LGR4: variants seen among roughly 807,000 people sequenced by gnomAD.
LGR4 encodes leucine-rich repeat-containing G protein-coupled receptor 4.
A neutral mutation model predicts 84.8 loss-of-function variants in LGR4; 44 were observed. That is an observed-to-expected ratio of 0.52 (90% CI 0.41 to 0.67). LGR4 has a LOEUF of 0.67. Among genes scored for constraint, LGR4 ranks in the 30% least tolerant of loss-of-function variants. The pLI is 0.00. For synonymous variants in LGR4, 429 were observed against 434.3 expected (o/e 0.99, Z 0.15); for missense variants, 1,032 against 1,131.4 (o/e 0.91, Z 1.26).
intron 1 of LGR4, among the ~76,000 whole-genome samples, chr11:27,427,005 C>T (rs1395111059): frequency 6.6e-6 from 1 of 152,070 alleles, no homozygotes; most frequent in African/African-American, 2.4e-5. Flanking sequence ...CCTAATGTTA[C>T]AACAAAACAT....
chr11:27,374,762 C>G (rs1017411424), intron 13 of LGR4, among the ~76,000 whole-genome samples: 1 of 152,150 alleles, frequency 6.6e-6, no homozygotes, highest in African/African-American at 2.4e-5. Flanking sequence ...CTTAGTGTCA[C>G]TTATCAGTTT....
At chr11:27,411,413 G>A (rs781315151) in intron 2 of LGR4, among the ~76,000 whole-genome samples, 1 of 150,884 alleles carries the variant, frequency 6.6e-6, no homozygotes, top group Non-Finnish European at 1.5e-5. Context: ...CAACACAGGA[G>A]GCAAAAATAA....
chr11:27,392,311 T>C, intron 3 of LGR4, 136 bp downstream of exon 3: 2 of 631,208 alleles, frequency 3.2e-6, no homozygotes, highest in Non-Finnish European at 5.2e-6. Context: ...TGGCCTCTCA[T>C]ACTACTCACT....
In LGR4 at chr11:27,392,524, GAAAAA is replaced by G. The variant is rs753491752; in HGVS notation, c.258-11_258-7del. On this transcript the variant is annotated splice_region_variant and splice_polypyrimidine_tract_variant and intron_variant, in intron 2 of 17. Transcript: ENST00000379214. The stretch of plus-strand genomic sequence containing the variant: ...GGTCGTTGCCCGCCAATTGTCTAGA[GAAAAA>G]AAAAAAAAAAGTAGCAAGAAAAAAA... The G allele has an allele frequency of 3.6e-5, 45 of 1,247,598 alleles. No homozygotes were observed. In the South Asian group the frequency reaches 4.5e-4, roughly 12 times the overall value. 77.3% of individuals were successfully genotyped at this position (1,247,598 alleles called of 1,614,324 possible).
chr11:27,382,290 T>C (rs1297963246), intron 6 of LGR4, 34 bp from the exon 7 acceptor site: 2 of 1,352,184 alleles, frequency 1.5e-6, no homozygotes, highest in Non-Finnish European at 2.1e-6. Flanking sequence ...TATCAAAATA[T>C]TAAATAGTGG....
intron 1 of LGR4, among the ~76,000 whole-genome samples, chr11:27,432,935 T>C (rs1370348280): frequency 6.6e-6 from 1 of 152,180 alleles, no homozygotes; most frequent in East Asian, 1.9e-4. Flanking sequence ...TGTAAACTGT[T>C]AACATTCCAC....
chr11:27,390,867 C>A (rs931388368), intron 4 of LGR4, among the ~76,000 whole-genome samples: 4 of 152,276 alleles, frequency 2.6e-5, no homozygotes, highest in Admixed American at 1.3e-4. Flanking sequence ...GTACACCCAG[C>A]AGTGAATACC....
intron 1 of LGR4, among the ~76,000 whole-genome samples, chr11:27,436,375 G>C (rs10682413): frequency 2.7e-4 from 22 of 80,946 alleles, no homozygotes; most frequent in African/African-American, 8.0e-4. Flanking sequence ...GAAAGAAAGA[G>C]AGAGAGAGAG....
intron 1 of LGR4, among the ~76,000 whole-genome samples, chr11:27,421,314 C>T (rs1245388845): frequency 2.0e-5 from 3 of 152,184 alleles, no homozygotes; most frequent in Admixed American, 6.6e-5. Context: ...TAGATTCATG[C>T]TTTTCCTAGC....
At chr11:27,458,840 T>C (rs1482653621) in intron 1 of LGR4, among the ~76,000 whole-genome samples, 1 of 152,074 alleles carries the variant, frequency 6.6e-6, no homozygotes, top group Admixed American at 6.5e-5. Context: ...TGCCGGGCCT[T>C]GAATTCACAG....
intron 1 of LGR4, among the ~76,000 whole-genome samples, chr11:27,428,855 C>T (rs569358003): frequency 4.8e-4 from 73 of 152,276 alleles, no homozygotes; most frequent in African/African-American, 1.7e-3. Context: ...GCTGGAACTA[C>T]AGGCATGTAC....
chr11:27,373,154 G>A (rs12286275), intron 15 of LGR4: 46,961 of 152,884 alleles, frequency 0.31, 7,342 homozygotes, highest in South Asian at 0.43. Context: ...GAGCCACCAC[G>A]CTCGGCCTCG....
rs752717825 is a variant in LGR4, at chr11:27,369,100, A to AT, written c.1622_1623insA (p.Arg542SerfsTer43). 6.2e-7 allele frequency: 1 copy of AT among 1,611,864 alleles called. No individual in the cohort carries two copies. Among genetic ancestry groups the AT allele is most frequent in the Non-Finnish European group, 8.5e-7 (1 of 1,179,340 alleles). On this transcript the variant is annotated frameshift_variant, in exon 18 of 18. Transcript: ENST00000379214. LOFTEE classifies it low-confidence loss of function (END_TRUNC). ...AGAAAATGAACCACACAGTAAGACG[A>AT]ATCATCCAGCTTCCCAGTAAATATT...
intron 2 of LGR4, among the ~76,000 whole-genome samples, chr11:27,411,077 C>A (rs1863702025): frequency 6.6e-6 from 1 of 152,080 alleles, no homozygotes; most frequent in African/African-American, 2.4e-5. Context: ...CACACAGTGG[C>A]CCCACCCAGA....
At position 27,384,337 on chromosome 11, in the gene LGR4, A is replaced by G. The variant is rs1382310013; in HGVS notation, c.688T>C (p.Leu230=). 1.9e-6 allele frequency: 3 copies of G among 1,590,414 alleles called. No individual in the cohort carries two copies. The highest frequency in any genetic ancestry group is 2.6e-6 in the Non-Finnish European group (3 of 1,159,758). Residue 230 remains leucine (L), a splice_region_variant and synonymous_variant, in exon 6 of 18, where the codon TTA becomes CTA. Coordinates refer to ENST00000379214, the MANE Select transcript of LGR4 (RefSeq NM_018490.5). ...TGCCCAAAATATGAATATACTTACAAGGTCTCCAGGTTATCTAGTCCATCA... is the reference window on the plus strand; with the variant it reads ...TGCCCAAAATATGAATATACTTACAGGGTCTCCAGGTTATCTAGTCCATCA... ...CFDGLDNLET[L]DLNYNNLGEF...
intron 1 of LGR4, among the ~76,000 whole-genome samples, chr11:27,469,881 G>A (rs1015121019): frequency 3.3e-5 from 5 of 152,164 alleles, no homozygotes; most frequent in Admixed American, 3.3e-4. Flanking sequence ...ATATATGATC[G>A]ACTGGAGTGT....
chr11:27,372,773 G>T (rs558136600), intron 15 of LGR4, among the ~76,000 whole-genome samples: 1 of 152,102 alleles, frequency 6.6e-6, no homozygotes, highest in South Asian at 2.1e-4. Flanking sequence ...AATGCCCCAG[G>T]TCATTTGTGA....
intron 6 of LGR4, among the ~76,000 whole-genome samples, chr11:27,382,550 T>C (rs549660920): frequency 6.6e-6 from 1 of 152,216 alleles, no homozygotes; most frequent in South Asian, 2.1e-4. Context: ...ACATAAATCA[T>C]CTGAATGGTA....
At position 27,384,194 on chromosome 11, in the gene LGR4, A is replaced by C. The variant is rs1211589931; in HGVS notation, c.689+142T>G. Reference sequence around the variant, plus strand: ...TTAGTATTCATAATTAGGTTATTTGATAGCAAGAATTTAATCCAGTATCAA... The same window carrying C: ...TTAGTATTCATAATTAGGTTATTTGCTAGCAAGAATTTAATCCAGTATCAA... On this transcript the variant is annotated intron_variant, in intron 6 of 17. Transcript: ENST00000379214. The C allele has an allele frequency of 2.3e-5, 14 of 608,274 alleles. No homozygotes were observed. In the Admixed American group the frequency reaches 4.3e-4, roughly 19 times the overall value. The allele number at this position is 608,274 out of a possible 1,614,324, so 37.7% of individuals were successfully genotyped here.
Sources: allele counts gnomAD v4.1 joint callset (sites outside exome capture counted in the v4.1 genomes callset), GRCh38; gene constraint gnomAD v4.1.1; transcripts MANE v1.5; gene names NCBI Gene and HGNC (gene_info 2026-07-23, HGNC 2026-07-21).